SLC30A8: variants seen among roughly 807,000 people sequenced by gnomAD.
SLC30A8 encodes proton-coupled zinc antiporter SLC30A8.
A neutral mutation model predicts 36.9 loss-of-function variants in SLC30A8; 27 were observed. The ratio of observed to expected loss-of-function variants is 0.73; its 90% CI spans 0.54 to 1.01. The LOEUF is 1.01. Among genes scored for constraint, SLC30A8 ranks in the 50% least tolerant of loss-of-function variants. The pLI is 0.00. For missense variants in SLC30A8, 439 were observed against 452.0 expected (o/e 0.97, Z 0.26); for synonymous variants, 164 against 172.4 (o/e 0.95, Z 0.38).
At chr8:117,070,190 T>A (rs114204633) in intron 2 of SLC30A8, among the ~76,000 whole-genome samples, 2,794 of 152,302 alleles carry the variant, frequency 0.018, 89 homozygotes, top group African/African-American at 0.063. Flanking sequence ...ATCTAATGAA[T>A]CAAATAATGA....
intron 1 of SLC30A8, among the ~76,000 whole-genome samples, chr8:117,023,810 T>C (rs1286696295): frequency 6.6e-6 from 1 of 151,922 alleles, no homozygotes; most frequent in African/African-American, 2.4e-5. Flanking sequence ...ACATGGCACA[T>C]GTATACATGT....
chr8:117,162,001 C>A, intron 5 of SLC30A8, 113 bp downstream of exon 5: 2 of 917,152 alleles, frequency 2.2e-6, no homozygotes, highest in Non-Finnish European at 3.2e-6. Flanking sequence ...CCTATACAAA[C>A]TACTTTGCAA....
At chr8:117,164,457 C>T (rs1402480498) in intron 6 of SLC30A8, among the ~76,000 whole-genome samples, 6 of 151,974 alleles carry the variant, frequency 3.9e-5, no homozygotes, top group South Asian at 2.1e-4. Context: ...GCCTGTAGTC[C>T]CAGCTAGTCA....
At chr8:117,091,492 G>A (rs555051891) in intron 2 of SLC30A8, among the ~76,000 whole-genome samples, 2 of 152,090 alleles carry the variant, frequency 1.3e-5, no homozygotes, top group East Asian at 1.9e-4. Flanking sequence ...CCCTGCCTCC[G>A]TAGATGGTCT....
At chr8:116,955,729 A>T (rs553017131) in intron 1 of SLC30A8, among the ~76,000 whole-genome samples, 165 of 152,036 alleles carry the variant, frequency 1.1e-3, no homozygotes, top group East Asian at 9.3e-3. Flanking sequence ...TCTCAAAAAA[A>T]AAAAAATAAA....
chr8:117,042,717 T>C (rs894842695), intron 2 of SLC30A8, among the ~76,000 whole-genome samples: 9 of 151,554 alleles, frequency 5.9e-5, no homozygotes, highest in African/African-American at 2.2e-4. Context: ...TCACCCAGGG[T>C]CAGGCTGGAG....
chr8:117,035,345 A>G (rs1268275929), intron 1 of SLC30A8, among the ~76,000 whole-genome samples: 2 of 152,254 alleles, frequency 1.3e-5, no homozygotes, highest in African/African-American at 4.8e-5. Flanking sequence ...TGGTCAAAAC[A>G]AAGGGGCTGT....
chr8:117,071,389 A>G (rs187819700), intron 2 of SLC30A8, among the ~76,000 whole-genome samples: 93 of 151,386 alleles, frequency 6.1e-4, no homozygotes, highest in Admixed American at 1.8e-3. Context: ...CCCATGTTTT[A>G]ATTTGGTTGT....
intron 6 of SLC30A8, among the ~76,000 whole-genome samples, chr8:117,165,820 T>C (rs1823028354): frequency 1.3e-5 from 2 of 152,218 alleles, no homozygotes; most frequent in Non-Finnish European, 2.9e-5. Flanking sequence ...GAAATCCTGT[T>C]ATTTGCAGAA....
At chr8:116,975,048 G>A (rs190402301) in intron 1 of SLC30A8, among the ~76,000 whole-genome samples, 8 of 103,164 alleles carry the variant, frequency 7.8e-5, no homozygotes, top group African/African-American at 2.5e-4. Flanking sequence ...GTGGGGGGAG[G>A]GGGGAGGGAT....
intron 1 of SLC30A8, 180 bp from the exon 2 acceptor site, chr8:117,146,774 A>T: frequency 7.1e-7 from 1 of 1,400,196 alleles, no homozygotes; most frequent in South Asian, 1.7e-5. Flanking sequence ...TGAAGTTTAG[A>T]AGGAAATTTC....
intron 1 of SLC30A8, among the ~76,000 whole-genome samples, chr8:117,030,709 T>C (rs1472081797): frequency 6.6e-6 from 1 of 152,216 alleles, no homozygotes; most frequent in Admixed American, 6.5e-5. Context: ...GTTATTTAGA[T>C]AGTCTGGAAT....
chr8:117,062,625 C>G (rs761742651), intron 2 of SLC30A8, among the ~76,000 whole-genome samples: 7 of 152,156 alleles, frequency 4.6e-5, no homozygotes, highest in Non-Finnish European at 5.9e-5. Context: ...GACACATATC[C>G]AAACCACATT....
chr8:117,130,036 A>AAAAT (rs1305744517), upstream of SLC30A8: 1 of 152,006 alleles, frequency 6.6e-6, no homozygotes, highest in African/African-American at 2.4e-5. Context: ...GATACAGATT[A>AAAAT]AAATAACTCA....
chr8:116,993,351 A>C (rs1045967622), intron 1 of SLC30A8, among the ~76,000 whole-genome samples: 1 of 152,100 alleles, frequency 6.6e-6, no homozygotes, highest in Non-Finnish European at 1.5e-5. Flanking sequence ...CTAAACCCTA[A>C]GAACTGAACT....
chr8:117,064,656 C>A (rs1462697497), intron 2 of SLC30A8, among the ~76,000 whole-genome samples: 2 of 152,194 alleles, frequency 1.3e-5, no homozygotes, highest in East Asian at 3.9e-4. Flanking sequence ...CACCATCGGA[C>A]AGCCGAAGAG....
At chr8:117,073,749 GAT>G (rs990783650) in intron 2 of SLC30A8, among the ~76,000 whole-genome samples, 1 of 151,984 alleles carries the variant, frequency 6.6e-6, no homozygotes, top group African/African-American at 2.4e-5. Flanking sequence ...TCTCAAAAGA[GAT>G]ATTATTTTAG....
rs1212172578 is a variant in SLC30A8, at chr8:117,147,125, C to T, written c.243C>T (p.Cys81=). The T allele has an allele frequency of 3.7e-6, 6 of 1,614,014 alleles. No homozygotes were observed. The highest frequency in any genetic ancestry group is 5.1e-6 in the Non-Finnish European group (6 of 1,179,986). ...KWKLCSASAI[C]FIFMIAEVVG... is the part of the protein sequence containing the mutation. The stretch of plus-strand genomic sequence containing the variant: ...AACTCTGTTCTGCTTCAGCAATATG[C>T]TTCATTTTCATGATTGCAGAGGTCG... The change falls in exon 2 of 8, where the codon TGC becomes TGT. Residue 81 remains cysteine, a synonymous_variant. Transcript: ENST00000456015.
chr8:117,047,180 G>A (rs866041191), intron 2 of SLC30A8, among the ~76,000 whole-genome samples: 1 of 152,154 alleles, frequency 6.6e-6, no homozygotes, highest in South Asian at 2.1e-4. Context: ...GGGTGGATGG[G>A]TAATGTAGTC....
Sources: gnomAD v4.1 joint callset for allele counts (sites outside exome capture counted in the v4.1 genomes callset) on GRCh38, gnomAD v4.1.1 for gene constraint, MANE v1.5 for transcripts, NCBI Gene and HGNC (gene_info 2026-07-23, HGNC 2026-07-21) for gene names.